The following ZNF33A variants were observed in gnomAD, a reference collection of about 807,000 sequenced individuals.
ZNF33A encodes the protein brain my041 protein.
Under a neutral mutation model 15.9 loss-of-function variants are expected in ZNF33A, and 9 were observed. The observed-to-expected ratio is 0.57, with a 90% confidence interval of 0.34 to 0.99. The LOEUF is 0.99. ZNF33A is among the 50% of genes least tolerant of loss of function. The pLI, the probability that ZNF33A is intolerant of heterozygous loss-of-function variation, is 0.02. For missense variants in ZNF33A, 843 were observed against 941.6 expected (o/e 0.90, Z 1.37); for synonymous variants, 294 against 324.2 (o/e 0.91, Z 1.00).
chr10:38,067,360 G>T (rs1183810204), downstream of ZNF33A, among the ~76,000 whole-genome samples: 1 of 152,186 alleles, frequency 6.6e-6, no homozygotes, highest in Non-Finnish European at 1.5e-5. Context: ...CTAGACTCCA[G>T]ACTGCTGATT....
intron 3 of ZNF33A, 38 bp from the exon 4 acceptor site, chr10:38,017,253 C>T: frequency 2.5e-6 from 4 of 1,592,778 alleles, no homozygotes; most frequent in Non-Finnish European, 3.4e-6. Flanking sequence ...GAAGTCTAGA[C>T]TGCTTGGTCC....
chr10:38,017,348 G>A lies in ZNF33A; in HGVS notation c.212G>A (p.Trp71Ter). Residue 71 changes from tryptophan (W) to a stop codon, truncating the protein, a stop_gained, in exon 4 of 5, where the codon TGG (tryptophan) becomes TAG (stop). Coordinates refer to ENST00000432900, the MANE Select transcript of ZNF33A (RefSeq NM_006954.2). LOFTEE classifies it high-confidence loss of function. ...AGGCTGCAACAAGGAGAAGAGCCAT[G>A]GAAACAGGAGGAAGAATTCCCAAGC... is the stretch of plus-strand genomic sequence containing the variant. ...IFRLQQGEEP[W>*]KQEEEFPSQS... 6.2e-7 allele frequency: 1 copy of A among 1,614,042 alleles called. No homozygotes were observed. The highest frequency in any genetic ancestry group is 8.5e-7 in the Non-Finnish European group (1 of 1,179,948).
At chr10:38,014,035 A>T (rs1414637316) in intron 2 of ZNF33A, among the ~76,000 whole-genome samples, 91 of 80,352 alleles carry the variant, frequency 1.1e-3, no homozygotes, top group Admixed American at 2.0e-3. Context: ...ATGATGTCTG[A>T]TTTTTTTTTT....
At chr10:38,062,437 A>G (rs1253950086), downstream of ZNF33A, among the ~76,000 whole-genome samples, 1 of 152,216 alleles carries the variant, frequency 6.6e-6, no homozygotes, top group South Asian at 2.1e-4. Flanking sequence ...ACTATTGAAA[A>G]AAATCAAACT....
downstream of ZNF33A, chr10:38,064,765 AGACT>A (rs1264942578): frequency 1.3e-5 from 2 of 152,196 alleles, no homozygotes; most frequent in Non-Finnish European, 2.9e-5. Context: ...CTTTGGCCAA[AGACT>A]GACTGACTTT....
intron 1 of ZNF33A, among the ~76,000 whole-genome samples, chr10:38,011,674 C>G (rs184939249): frequency 6.6e-6 from 1 of 152,230 alleles, no homozygotes; most frequent in African/African-American, 2.4e-5. Context: ...CTGACTTGTT[C>G]AGGATCACAG....
chr10:38,034,451 A>G (rs2065349568), intron 4 of ZNF33A, among the ~76,000 whole-genome samples: 1 of 152,206 alleles, frequency 6.6e-6, no homozygotes, highest in Admixed American at 6.5e-5. Flanking sequence ...TTCTCAAGAT[A>G]AGACTGGGAT....
At chr10:38,018,341 G>A (rs2064562874) in intron 4 of ZNF33A, among the ~76,000 whole-genome samples, 1 of 152,106 alleles carries the variant, frequency 6.6e-6, no homozygotes, top group African/African-American at 2.4e-5. Flanking sequence ...TTCAGCAGGG[G>A]TAATAGCAGC....
At chr10:38,048,401 T>C (rs1180953721) in intron 4 of ZNF33A, among the ~76,000 whole-genome samples, 1 of 152,236 alleles carries the variant, frequency 6.6e-6, no homozygotes, top group Non-Finnish European at 1.5e-5. Context: ...GATCCATATA[T>C]GTACTATTTC....
intron 3 of ZNF33A, 76 bp from the exon 4 acceptor site, chr10:38,017,215 C>G (rs560248297): frequency 6.9e-7 from 1 of 1,459,122 alleles, no homozygotes; most frequent in Admixed American, 2.0e-5. Context: ...GAAGCAGCCC[C>G]AGAAGCTTCT....
intron 1 of ZNF33A, 61 bp downstream of exon 1, chr10:38,010,844 C>A: frequency 1.3e-6 from 2 of 1,584,188 alleles, no homozygotes; most frequent in South Asian, 1.1e-5. Context: ...CTGGGGCGGG[C>A]GGCAGGGGGC....
upstream of ZNF33A, chr10:38,010,588 G>A (rs749716877): frequency 1.5e-5 from 15 of 979,592 alleles, no homozygotes; most frequent in Non-Finnish European, 2.3e-5. Flanking sequence ...CCGGCCTCAC[G>A]GGAAAGGTAG....
chr10:38,053,715 C>T (rs1265283643), intron 4 of ZNF33A, among the ~76,000 whole-genome samples: 1 of 152,190 alleles, frequency 6.6e-6, no homozygotes, highest in Non-Finnish European at 1.5e-5. Flanking sequence ...AGTTTGCATA[C>T]AGTCCAAGTC....
chr10:38,056,204 G>T lies in ZNF33A; in HGVS notation c.2080G>T (p.Glu694Ter). Residue 694 changes from glutamate to a stop codon, truncating the protein, a stop_gained, in exon 5 of 5, where the codon GAA (glutamate) becomes TAA (stop). Coordinates refer to ENST00000432900, the MANE Select transcript of ZNF33A (RefSeq NM_006954.2). LOFTEE classifies it low-confidence loss of function (END_TRUNC). ...ERKHTGEKPY[E>*]CNECGKFFRH... is the part of the protein sequence containing the mutation. ...AAAGCACACGGGGGAGAAACCCTATGAATGCAATGAATGTGGGAAATTCTT... is the reference window on the plus strand; with the variant it reads ...AAAGCACACGGGGGAGAAACCCTATTAATGCAATGAATGTGGGAAATTCTT... The T allele has an allele frequency of 6.2e-7, 1 of 1,614,088 alleles. No individual in the cohort carries two copies. The highest frequency in any genetic ancestry group is 8.5e-7 in the Non-Finnish European group (1 of 1,179,982).
intron 4 of ZNF33A, among the ~76,000 whole-genome samples, chr10:38,023,264 A>G (rs2064837070): frequency 6.6e-6 from 1 of 152,178 alleles, no homozygotes; most frequent in South Asian, 2.1e-4. Flanking sequence ...ATTTCTTAAC[A>G]CATTTAAAAA....
At position 38,042,989 on chromosome 10, in the gene ZNF33A, C is replaced by T. The variant is rs574652058; in HGVS notation, c.251-11386C>T. On this transcript the variant is annotated intron_variant, in intron 4 of 4. Transcript: ENST00000432900. ...AAAAAATGTGCCTTTTTTACTCTCT[C>T]GTATCATTGCCTTTACCCACAATAA... Among the ~76,000 whole-genome samples the T allele has an allele frequency of 1.1e-4, 16 of 152,244 alleles. No homozygotes were observed. The East Asian group carries it at 2.9e-3, about 28-fold the overall frequency.
chr10:38,010,537 C>T, upstream of ZNF33A: 1 of 713,696 alleles, frequency 1.4e-6, no homozygotes, highest in Non-Finnish European at 2.5e-6. Flanking sequence ...CTGCCCACTG[C>T]CTAGCGGGGC....
chr10:38,055,634 A>G lies in ZNF33A; in HGVS notation c.1510A>G (p.Lys504Glu). 1.9e-6 allele frequency: 3 copies of G among 1,614,110 alleles called. No homozygotes were observed. The highest frequency in any genetic ancestry group is 2.5e-6 in the Non-Finnish European group (3 of 1,179,992). Residue 504 changes from lysine (K) to glutamate (E), a missense_variant, in exon 5 of 5, where the codon AAA (lysine) becomes GAA (glutamate). Transcript: ENST00000432900. ...DKSYECNACG[K>E]TFYHKSLLTR... ...ATCTTATGAATGTAATGCATGTGGG[A>G]AAACTTTCTACCACAAGTCATTACT...
chr10:38,014,374 C>G (rs1486694279), intron 2 of ZNF33A, among the ~76,000 whole-genome samples: 7 of 152,110 alleles, frequency 4.6e-5, no homozygotes, highest in Non-Finnish European at 1.0e-4. Flanking sequence ...AGAAGTTTAC[C>G]AATCCCTAGA....
Sources: allele counts gnomAD v4.1 joint callset (sites outside exome capture counted in the v4.1 genomes callset), GRCh38; gene constraint gnomAD v4.1.1; transcripts MANE v1.5; gene names NCBI Gene and HGNC (gene_info 2026-07-23, HGNC 2026-07-21).